CCDC73: variants seen among roughly 807,000 people sequenced by gnomAD.
CCDC73 encodes the protein coiled-coil domain-containing protein 73.
In CCDC73, 95 loss-of-function variants were observed where a neutral mutation model predicts 116.5. That is an observed-to-expected ratio of 0.82 (90% CI 0.69 to 0.97). CCDC73 has a LOEUF of 0.97. Ranked by LOEUF, CCDC73 falls within the 50% of genes least tolerant of loss-of-function variation. The pLI is 0.00. For missense variants in CCDC73, 1,066 were observed against 1,206.8 expected, an observed-to-expected ratio of 0.88 and a Z score of 1.73; for synonymous variants, 398 against 401.3, an observed-to-expected ratio of 0.99 and a Z score of 0.10.
intron 6 of CCDC73, among the ~76,000 whole-genome samples, chr11:32,689,822 C>T (rs1253923319): frequency 6.6e-6 from 1 of 151,948 alleles, no homozygotes; most frequent in Admixed American, 6.6e-5. Flanking sequence ...GGTGAAACCC[C>T]GTCTCTACTA....
At chr11:32,762,982 C>A (rs1044953915) in intron 1 of CCDC73, among the ~76,000 whole-genome samples, 2 of 152,212 alleles carry the variant, frequency 1.3e-5, no homozygotes, top group Non-Finnish European at 2.9e-5. Flanking sequence ...GTCCCACACC[C>A]ATGGAGCCTC....
chr11:32,766,776 C>T (rs974221676), intron 1 of CCDC73, among the ~76,000 whole-genome samples: 2 of 152,098 alleles, frequency 1.3e-5, no homozygotes, highest in African/African-American at 4.8e-5. Context: ...ACATGAAGGA[C>T]CTCTTCAAGG....
At chr11:32,784,051 C>A (rs1165205914) in intron 1 of CCDC73, among the ~76,000 whole-genome samples, 1 of 152,158 alleles carries the variant, frequency 6.6e-6, no homozygotes. Context: ...GAAAGCAGGC[C>A]AGCCACAGTG....
intron 2 of CCDC73, among the ~76,000 whole-genome samples, chr11:32,721,258 C>G (rs1849987090): frequency 6.6e-6 from 1 of 152,090 alleles, no homozygotes; most frequent in African/African-American, 2.4e-5. Context: ...CTCCTGGCCT[C>G]AGGTGATCTG....
chr11:32,637,220 C>A (rs1206350282), intron 13 of CCDC73, among the ~76,000 whole-genome samples: 1 of 151,794 alleles, frequency 6.6e-6, no homozygotes, highest in Non-Finnish European at 1.5e-5. Flanking sequence ...ACTATGTTGG[C>A]CAGGCTGGTC....
At chr11:32,651,690 A>G (rs185333396) in intron 12 of CCDC73, among the ~76,000 whole-genome samples, 6 of 152,350 alleles carry the variant, frequency 3.9e-5, no homozygotes, top group Non-Finnish European at 8.8e-5. Flanking sequence ...TGACCATGAA[A>G]CATTAAACCT....
At chr11:32,798,241 G>A (rs1590653741), upstream of CCDC73, among the ~76,000 whole-genome samples, 1 of 152,246 alleles carries the variant, frequency 6.6e-6, no homozygotes, top group Non-Finnish European at 1.5e-5. Flanking sequence ...CAGATAAGGT[G>A]CACAAAGTGC....
chr11:32,625,460 T>A (rs1363421967), intron 14 of CCDC73, among the ~76,000 whole-genome samples: 4 of 152,190 alleles, frequency 2.6e-5, no homozygotes, highest in Non-Finnish European at 5.9e-5. Flanking sequence ...CAGGAGCTCT[T>A]ATAGGGCAGG....
intron 1 of CCDC73, among the ~76,000 whole-genome samples, chr11:32,768,886 C>A (rs1344539653): frequency 6.6e-6 from 1 of 152,082 alleles, no homozygotes; most frequent in Non-Finnish European, 1.5e-5. Flanking sequence ...CAAAGACAAA[C>A]ACATAGAGAA....
At chr11:32,825,148 G>A in the CCDC73 span, among the ~76,000 whole-genome samples, 2 of 152,000 alleles carry the variant, frequency 1.3e-5, no homozygotes, top group Non-Finnish European at 2.9e-5. Flanking sequence ...AAGCCAGGGC[G>A]GTACATAAAA....
chr11:32,768,919 T>C (rs1850469035), intron 1 of CCDC73, among the ~76,000 whole-genome samples: 1 of 152,126 alleles, frequency 6.6e-6, no homozygotes, highest in African/African-American at 2.4e-5. Context: ...TCTGAACAAG[T>C]ACTTCATAAA....
intron 14 of CCDC73, among the ~76,000 whole-genome samples, chr11:32,631,600 A>AG (rs202027220): frequency 4.0e-5 from 6 of 151,346 alleles, no homozygotes; most frequent in Admixed American, 6.6e-5. Flanking sequence ...AAGGAAAGGA[A>AG]GGAAAGGAAG....
chr11:32,761,592 A>G (rs1038520503), intron 1 of CCDC73, among the ~76,000 whole-genome samples: 5 of 152,154 alleles, frequency 3.3e-5, no homozygotes, highest in African/African-American at 1.2e-4. Flanking sequence ...CCAAATTTCC[A>G]CCAGCATTTG....
intron 2 of CCDC73, among the ~76,000 whole-genome samples, chr11:32,754,728 C>T (rs146202649): frequency 0.01 from 1,557 of 152,002 alleles, 14 homozygotes; most frequent in Middle Eastern, 0.024. Flanking sequence ...CAAATGTAAT[C>T]TACAATTTCA....
intron 1 of CCDC73, among the ~76,000 whole-genome samples, chr11:32,767,609 T>A (rs1304967057): frequency 6.6e-6 from 1 of 151,850 alleles, no homozygotes; most frequent in African/African-American, 2.4e-5. Flanking sequence ...TACAAAGAAC[T>A]CAAACAAATT....
At chr11:32,689,444 G>A (rs1224526076) in intron 6 of CCDC73, among the ~76,000 whole-genome samples, 1 of 151,962 alleles carries the variant, frequency 6.6e-6, no homozygotes, top group Non-Finnish European at 1.5e-5. Flanking sequence ...AGCATTAGCT[G>A]GTAGCCACTG....
intron 9 of CCDC73, among the ~76,000 whole-genome samples, chr11:32,666,980 G>A (rs115150938): frequency 0.014 from 2,073 of 152,254 alleles, 55 homozygotes; most frequent in African/African-American, 0.047. Flanking sequence ...CGTGAATATC[G>A]CTCAACAGCA....
At chr11:32,655,984 C>T (rs905619787) in intron 9 of CCDC73, among the ~76,000 whole-genome samples, 1 of 152,108 alleles carries the variant, frequency 6.6e-6, no homozygotes, top group East Asian at 1.9e-4. Context: ...ATCTGATTTT[C>T]GGTCTCGGCT....
At chr11:32,666,697 G>A (rs1252927907) in intron 9 of CCDC73, among the ~76,000 whole-genome samples, 1 of 152,198 alleles carries the variant, frequency 6.6e-6, no homozygotes, top group Admixed American at 6.5e-5. Context: ...TTCCATTGCT[G>A]GCGAGGAGCT....
Sources: gnomAD v4.1 joint callset for allele counts (sites outside exome capture counted in the v4.1 genomes callset) on GRCh38, gnomAD v4.1.1 for gene constraint, MANE v1.5 for transcripts, NCBI Gene and HGNC (gene_info 2026-07-23, HGNC 2026-07-21) for gene names.